The following TBC1D31 variants were observed in gnomAD, a reference collection of about 807,000 sequenced individuals.
The protein encoded by TBC1D31 is WD repeat domain 67.
A neutral mutation model predicts 132.9 loss-of-function variants in TBC1D31; 99 were observed. The ratio of observed to expected loss-of-function variants is 0.74; its 90% CI spans 0.63 to 0.88. The LOEUF (loss-of-function observed/expected upper bound fraction) is 0.88, where lower values mean the gene tolerates loss of function less well. Ranked by LOEUF, TBC1D31 falls within the 40% of genes least tolerant of loss-of-function variation. The probability of loss-of-function intolerance (pLI) is 0.00; values close to 1 mark genes in which losing one functional copy is unlikely to be tolerated. For missense variants in TBC1D31, 1,134 were observed against 1,256.6 expected (o/e 0.90, Z 1.48); for synonymous variants, 385 against 419.4 (o/e 0.92, Z 1.00).
At chr8:123,090,954 A>C (rs901052456) in intron 4 of TBC1D31, among the ~76,000 whole-genome samples, 5 of 151,928 alleles carry the variant, frequency 3.3e-5, no homozygotes, top group Admixed American at 1.3e-4. Context: ...ATAAATAAAT[A>C]AATCAATAAT....
the TBC1D31 span, among the ~76,000 whole-genome samples, chr8:123,160,239 G>T: frequency 6.6e-6 from 1 of 152,186 alleles, no homozygotes; most frequent in Non-Finnish European, 1.5e-5. Flanking sequence ...GTATTTTGTA[G>T]AATGCCCCTC....
chr8:123,073,160 G>A, intron 1 of TBC1D31: 1 of 493,434 alleles, frequency 2.0e-6, no homozygotes, highest in South Asian at 1.9e-5. Context: ...TCCCGCTAGT[G>A]TCCCTGGCAC....
chr8:123,089,173 G>T (rs1031957387), intron 4 of TBC1D31, among the ~76,000 whole-genome samples: 1 of 152,098 alleles, frequency 6.6e-6, no homozygotes, highest in South Asian at 2.1e-4. Flanking sequence ...TCGGATCAGG[G>T]ATACTCAATT....
Position 123,105,476 on chromosome 8 carries a change from T to G in TBC1D31, c.1209+12T>G. On this transcript the variant is annotated intron_variant, in intron 8 of 21. Coordinates refer to ENST00000287380, the MANE Select transcript of TBC1D31 (RefSeq NM_145647.4). ...TTGAAAGTAAAAAGGTAAGAATATT[T>G]GGTAATTAAACTTTGTCATGATTCT... 6.2e-7 allele frequency: 1 copy of G among 1,601,828 alleles called. No individual in the cohort carries two copies. Among genetic ancestry groups the G allele is most frequent in the Non-Finnish European group, 8.5e-7 (1 of 1,174,316 alleles).
rs1820252798 is a variant in TBC1D31 at position 123,128,109 on chromosome 8, T to G, written c.1885-172T>G. ...TTATGATTGTGAAACTCTTACATTT[T>G]TTAAATAAATTGTCTTTGTTGTAAA... On this transcript the variant is annotated intron_variant, in intron 13 of 21. Coordinates refer to ENST00000287380, the MANE Select transcript of TBC1D31 (RefSeq NM_145647.4). The G allele has an allele frequency of 7.0e-6, 3 of 431,166 alleles. No homozygotes were observed. The Admixed American group carries it at 1.2e-4, about 18-fold the overall frequency. 26.7% of individuals were successfully genotyped at this position (431,166 alleles called of 1,614,324 possible). A position where few individuals can be genotyped will look rare whatever the true frequency, so the allele number is the denominator to read the frequency against.
At chr8:123,080,189 A>G (rs1037410162) in intron 2 of TBC1D31, among the ~76,000 whole-genome samples, 8 of 152,240 alleles carry the variant, frequency 5.3e-5, no homozygotes, top group African/African-American at 1.7e-4. Context: ...ACGTGACAGT[A>G]TCCAGGTATT....
chr8:123,138,625 G>A (rs1234894893), intron 17 of TBC1D31, among the ~76,000 whole-genome samples: 1 of 152,124 alleles, frequency 6.6e-6, no homozygotes, highest in African/African-American at 2.4e-5. Flanking sequence ...GCTACTTTCT[G>A]TGCCCATGGA....
chr8:123,146,829 C>A (rs1036958825), intron 20 of TBC1D31, among the ~76,000 whole-genome samples: 9 of 151,946 alleles, frequency 5.9e-5, no homozygotes, highest in African/African-American at 2.2e-4. Context: ...GGACTACAGG[C>A]GCATGCCACC....
the TBC1D31 span, among the ~76,000 whole-genome samples, chr8:123,160,246 C>T: frequency 6.6e-6 from 1 of 152,106 alleles, no homozygotes; most frequent in Non-Finnish European, 1.5e-5. Flanking sequence ...GTAGAATGCC[C>T]CTCAATTTTA....
At chr8:123,127,565 G>A (rs1035184408) in intron 13 of TBC1D31, among the ~76,000 whole-genome samples, 4 of 152,122 alleles carry the variant, frequency 2.6e-5, no homozygotes, top group East Asian at 1.9e-4. Context: ...GAGCCACCAC[G>A]CCCGGCTGCT....
chr8:123,124,893 C>A (rs569716962), intron 11 of TBC1D31, among the ~76,000 whole-genome samples: 1 of 148,706 alleles, frequency 6.7e-6, no homozygotes, highest in Non-Finnish European at 1.5e-5. Context: ...GCCGAGATCG[C>A]GCCACTGCAC....
intron 15 of TBC1D31, among the ~76,000 whole-genome samples, chr8:123,129,428 C>G (rs377726962): frequency 1.3e-5 from 2 of 152,188 alleles, no homozygotes; most frequent in African/African-American, 2.4e-5. Flanking sequence ...AATTCTGAAG[C>G]TATGCTGAAT....
At chr8:123,112,678 A>C (rs1818564761) in intron 10 of TBC1D31, among the ~76,000 whole-genome samples, 1 of 152,194 alleles carries the variant, frequency 6.6e-6, no homozygotes. Context: ...TGCATTAATT[A>C]GTTTGGCCCA....
chr8:123,141,234 A>G (rs1251756779), intron 18 of TBC1D31, among the ~76,000 whole-genome samples: 1 of 152,182 alleles, frequency 6.6e-6, no homozygotes, highest in Non-Finnish European at 1.5e-5. Flanking sequence ...TGACTTTACA[A>G]ATTTTACTGT....
At chr8:123,136,392 T>C (rs1821091253) in intron 17 of TBC1D31, among the ~76,000 whole-genome samples, 1 of 152,244 alleles carries the variant, frequency 6.6e-6, no homozygotes, top group Admixed American at 6.5e-5. Context: ...CTGTTGTTTC[T>C]TCATGAGAAG....
At chr8:123,073,210 A>G (rs966310033) in intron 1 of TBC1D31, 2 of 471,776 alleles carry the variant, frequency 4.2e-6, no homozygotes, top group Non-Finnish European at 8.3e-6. Flanking sequence ...TTGCAGCTGG[A>G]GCAGAACTCC....
intron 4 of TBC1D31, 32 bp from the exon 5 acceptor site, chr8:123,093,559 T>C (rs779437056): frequency 1.7e-5 from 26 of 1,508,480 alleles, no homozygotes; most frequent in Non-Finnish European, 2.3e-5. Flanking sequence ...GTGAACCTTA[T>C]GTGAAAACTA....
chr8:123,157,260 T>C, the TBC1D31 span, among the ~76,000 whole-genome samples: 1 of 152,156 alleles, frequency 6.6e-6, no homozygotes, highest in Non-Finnish European at 1.5e-5. Flanking sequence ...CTCACGACCT[T>C]CAGATTATGA....
At chr8:123,099,520 A>G (rs902302688) in intron 6 of TBC1D31, among the ~76,000 whole-genome samples, 1 of 152,156 alleles carries the variant, frequency 6.6e-6, no homozygotes, top group East Asian at 1.9e-4. Flanking sequence ...CTACCCTTGC[A>G]ACTCACAAAC....
Sources: gnomAD v4.1 joint callset for allele counts (sites outside exome capture counted in the v4.1 genomes callset) on GRCh38, gnomAD v4.1.1 for gene constraint, MANE v1.5 for transcripts, NCBI Gene and HGNC (gene_info 2026-07-23, HGNC 2026-07-21) for gene names.